Variants in LRRTM4 observed in about 807,000 individuals in gnomAD.
LRRTM4 encodes leucine-rich repeat transmembrane neuronal protein 4.
In LRRTM4, 25 loss-of-function variants were observed where a neutral mutation model predicts 47.6. That is an observed-to-expected ratio of 0.53 (90% confidence interval 0.38 to 0.73). The LOEUF is 0.73. Ranked by LOEUF, LRRTM4 falls within the 30% of genes least tolerant of loss-of-function variation. LRRTM4 has a pLI of 0.00. For synonymous variants in LRRTM4, 311 were observed against 269.5 expected (o/e 1.15, Z -1.51); for missense variants, 638 against 713.4 (o/e 0.89, Z 1.20).
At chr2:77,170,178 T>A (rs1382158766) in intron 3 of LRRTM4, among the ~76,000 whole-genome samples, 1 of 152,046 alleles carries the variant, frequency 6.6e-6, no homozygotes, top group African/African-American at 2.4e-5. Context: ...TATAGGTGGG[T>A]CCAGTCTAAT....
intron 3 of LRRTM4, among the ~76,000 whole-genome samples, chr2:76,912,035 TCTC>T: frequency 6.6e-6 from 1 of 150,710 alleles, no homozygotes; most frequent in East Asian, 2.0e-4. Flanking sequence ...TTCACGCCAT[TCTC>T]CTGCCCCGAG....
intron 3 of LRRTM4, among the ~76,000 whole-genome samples, chr2:76,859,426 T>C (rs984008288): frequency 4.6e-5 from 7 of 152,076 alleles, no homozygotes; most frequent in African/African-American, 9.7e-5. Context: ...TAAATGAAAA[T>C]TGTTATTTAT....
intron 3 of LRRTM4, among the ~76,000 whole-genome samples, chr2:77,479,337 A>T (rs563630494): frequency 6.6e-6 from 1 of 152,240 alleles, no homozygotes; most frequent in Non-Finnish European, 1.5e-5. Context: ...TGTAACAGCC[A>T]TTATAAAACT....
At chr2:77,006,523 A>G (rs2104046006) in intron 3 of LRRTM4, among the ~76,000 whole-genome samples, 1 of 152,248 alleles carries the variant, frequency 6.6e-6, no homozygotes, top group South Asian at 2.1e-4. Context: ...GCCAATTGCA[A>G]AGTCCTGTAT....
At chr2:76,764,963 T>C (rs1405546804) in intron 3 of LRRTM4, among the ~76,000 whole-genome samples, 3 of 152,160 alleles carry the variant, frequency 2.0e-5, no homozygotes, top group South Asian at 2.1e-4. Context: ...GCCTGGAAAA[T>C]TGTGGAAGTG....
At chr2:77,259,684 G>A (rs1675865808) in intron 3 of LRRTM4, among the ~76,000 whole-genome samples, 1 of 152,026 alleles carries the variant, frequency 6.6e-6, no homozygotes, top group African/African-American at 2.4e-5. Flanking sequence ...GGTTATATAT[G>A]AAGGATGAGT....
intron 3 of LRRTM4, among the ~76,000 whole-genome samples, chr2:76,917,984 T>C (rs533876425): frequency 6.6e-6 from 1 of 152,304 alleles, no homozygotes; most frequent in Admixed American, 6.5e-5. Flanking sequence ...TCCTGCAATC[T>C]TGACTATAAC....
At chr2:77,320,732 T>G (rs1047836774) in intron 3 of LRRTM4, among the ~76,000 whole-genome samples, 6 of 152,070 alleles carry the variant, frequency 3.9e-5, no homozygotes, top group African/African-American at 1.4e-4. Context: ...TTTAAAATTT[T>G]TAATGTTTAT....
chr2:77,282,573 A>G (rs557282966), intron 3 of LRRTM4, among the ~76,000 whole-genome samples: 27 of 152,004 alleles, frequency 1.8e-4, no homozygotes, highest in African/African-American at 5.8e-4. Context: ...CAGAGGCATT[A>G]TATAAACTAA....
intron 3 of LRRTM4, among the ~76,000 whole-genome samples, chr2:77,376,386 CCA>C (rs1672840802): frequency 6.6e-6 from 1 of 151,462 alleles, no homozygotes; most frequent in Non-Finnish European, 1.5e-5. Context: ...TAACTAAACT[CCA>C]CAGTTTGTGC....
intron 3 of LRRTM4, among the ~76,000 whole-genome samples, chr2:76,915,707 A>G (rs1674219187): frequency 6.6e-6 from 1 of 152,232 alleles, no homozygotes; most frequent in Admixed American, 6.5e-5. Flanking sequence ...TAAGAAAAGT[A>G]TTCTCTTTGA....
intron 3 of LRRTM4, among the ~76,000 whole-genome samples, chr2:77,494,400 C>G (rs1678283039): frequency 6.6e-6 from 1 of 151,880 alleles, no homozygotes; most frequent in South Asian, 2.1e-4. Flanking sequence ...TTCTTCTCCA[C>G]GATGGTGGAT....
intron 3 of LRRTM4, among the ~76,000 whole-genome samples, chr2:76,834,347 G>A (rs757480625): frequency 7.9e-5 from 12 of 151,740 alleles, no homozygotes; most frequent in Admixed American, 2.6e-4. Flanking sequence ...CACCATGCCC[G>A]GCCAGAGCAT....
Position 77,075,601 on chromosome 2 carries a change from T to A in LRRTM4, c.1552-326685A>T, listed in dbSNP as rs1680306013. On this transcript the variant is annotated intron_variant, in intron 3 of 3. Coordinates refer to ENST00000409884, the MANE Select transcript of LRRTM4 (RefSeq NM_001134745.3). ...AAATATGATGATAAAAATCAAAATT[T>A]AAAATTAATTTTCAATTTTGTTTTA... 7.2e-5 allele frequency among the ~76,000 whole-genome samples: 11 copies of A among 152,112 alleles called. No individual in the cohort carries two copies. The South Asian group carries it at 2.3e-3, about 32-fold the overall frequency.
intron 3 of LRRTM4, among the ~76,000 whole-genome samples, chr2:76,875,811 A>G (rs1672761833): frequency 6.6e-6 from 1 of 152,142 alleles, no homozygotes; most frequent in South Asian, 2.1e-4. Flanking sequence ...CATATCCTCA[A>G]TGAAAACTAT....
At chr2:76,769,525 GA>G (rs70939834) in intron 3 of LRRTM4, among the ~76,000 whole-genome samples, 1 of 147,674 alleles carries the variant, frequency 6.8e-6, no homozygotes, top group Non-Finnish European at 1.5e-5. Flanking sequence ...ACTTGCAACT[GA>G]AAAAAAAACA....
intron 3 of LRRTM4, among the ~76,000 whole-genome samples, chr2:76,915,971 T>C (rs889569362): frequency 1.3e-5 from 2 of 152,130 alleles, no homozygotes; most frequent in South Asian, 2.1e-4. Flanking sequence ...TAGTGAGCCA[T>C]AGATTAGTTA....
At chr2:77,313,882 T>C (rs969357811) in intron 3 of LRRTM4, among the ~76,000 whole-genome samples, 1 of 152,238 alleles carries the variant, frequency 6.6e-6, no homozygotes, top group Non-Finnish European at 1.5e-5. Flanking sequence ...AATATTTTAA[T>C]GCATTATTAC....
intron 3 of LRRTM4, among the ~76,000 whole-genome samples, chr2:77,324,212 C>T (rs1021920067): frequency 6.6e-6 from 1 of 152,000 alleles, no homozygotes; most frequent in Non-Finnish European, 1.5e-5. Flanking sequence ...TTTTTCTCGA[C>T]AAATATTTAT....
Sources: allele counts gnomAD v4.1 joint callset (sites outside exome capture counted in the v4.1 genomes callset), GRCh38; gene constraint gnomAD v4.1.1; transcripts MANE v1.5; gene names NCBI Gene and HGNC (gene_info 2026-07-23, HGNC 2026-07-21).